Variants in SLC7A2 observed in about 807,000 individuals in gnomAD.
SLC7A2 encodes the protein cationic amino acid transporter 2.
SLC7A2 carries 48 observed loss-of-function variants against 58.9 expected under a neutral mutation model. That is an observed-to-expected ratio of 0.82 (90% confidence interval 0.65 to 1.04). The LOEUF is 1.04. Ranked by LOEUF, SLC7A2 falls within the 50% of genes least tolerant of loss-of-function variation. SLC7A2 has a pLI of 0.00. For missense variants in SLC7A2, 1,029 were observed against 818.8 expected, an observed-to-expected ratio of 1.26 and a Z score of -3.13; for synonymous variants, 363 against 314.5, an observed-to-expected ratio of 1.15 and a Z score of -1.63.
chr8:17,551,567 C>T (rs1044596423), intron 6 of SLC7A2, among the ~76,000 whole-genome samples, 197 bp from the exon 7 acceptor site: 5 of 152,062 alleles, frequency 3.3e-5, no homozygotes, highest in African/African-American at 1.2e-4. Context: ...CACTGCACTC[C>T]AGCCTGGGCA....
At chr8:17,540,514 GA>G (rs879479503) in intron 2 of SLC7A2, among the ~76,000 whole-genome samples, 6 of 148,986 alleles carry the variant, frequency 4.0e-5, no homozygotes, top group Non-Finnish European at 6.0e-5. Flanking sequence ...CTCCAAAAAA[GA>G]AAAAAAAATA....
rs368008850 is a variant in SLC7A2, at chr8:17,543,735, C to T, written c.376+20C>T. On this transcript the variant is annotated intron_variant, in intron 3 of 12. Coordinates refer to ENST00000494857, the MANE Select transcript of SLC7A2 (RefSeq NM_001370338.1). ...TGATAGGTATGTTTCAAAAAGAAAT[C>T]TAACTTGTGTGGAATGGAAGAAATC... The T allele has an allele frequency of 6.6e-7, 1 of 1,511,622 alleles. No homozygotes were observed. Among genetic ancestry groups the T allele is most frequent in the Non-Finnish European group, 8.8e-7 (1 of 1,130,728 alleles). The allele number at this position is 1,511,622 out of a possible 1,614,324, so 93.6% of individuals were successfully genotyped here.
rs150214313 is a variant in SLC7A2, at chr8:17,551,783, C to T, written c.852C>T (p.Pro284=). The change falls in exon 7 of 13, where the codon CCC becomes CCT. Residue 284 remains proline, a synonymous_variant. Coordinates refer to ENST00000494857, the MANE Select transcript of SLC7A2 (RefSeq NM_001370338.1). ...CCTTAGGTGAAGAAGTTCGGAATCC[C>T]CAGAAAGCTATTCCCATTGGAATTG... is the stretch of plus-strand genomic sequence containing the variant. ...IATTGEEVRN[P]QKAIPIGIVT... The T allele has an allele frequency of 2.1e-5, 34 of 1,613,706 alleles. No homozygotes were observed. Among genetic ancestry groups the T allele is most frequent in the Non-Finnish European group, 2.9e-5 (34 of 1,179,920 alleles).
At chr8:17,507,093 C>T (rs936491154) in intron 2 of SLC7A2, among the ~76,000 whole-genome samples, 2 of 151,980 alleles carry the variant, frequency 1.3e-5, no homozygotes, top group African/African-American at 4.8e-5. Context: ...CATAGGCGGG[C>T]ACCACCATGC....
chr8:17,529,363 C>T (rs934254756), intron 2 of SLC7A2, among the ~76,000 whole-genome samples: 2 of 99,774 alleles, frequency 2.0e-5, no homozygotes, highest in African/African-American at 7.1e-5. Context: ...TCATTTATGG[C>T]CAGCGAAATA....
At chr8:17,560,245 C>T (rs542845686) in intron 9 of SLC7A2, 83 bp from the exon 10 acceptor site, 1 of 963,838 alleles carries the variant, frequency 1.0e-6, no homozygotes, top group East Asian at 2.5e-5. Flanking sequence ...TGTATGATGT[C>T]TTACTTAAGG....
chr8:17,502,390 C>A (rs776237789), intron 2 of SLC7A2, 88 bp downstream of exon 2: 1 of 152,246 alleles, frequency 6.6e-6, no homozygotes, highest in Non-Finnish European at 1.5e-5. Flanking sequence ...AGATTTGTGC[C>A]TATTCCATAT....
At chr8:17,508,411 T>C (rs1486713598) in intron 2 of SLC7A2, among the ~76,000 whole-genome samples, 1 of 152,208 alleles carries the variant, frequency 6.6e-6, no homozygotes, top group Admixed American at 6.5e-5. Flanking sequence ...TATTGTTGGA[T>C]GCCCTGTCTA....
At chr8:17,497,060 A>G (rs1799979465), upstream of SLC7A2, 1 of 150,744 alleles carries the variant, frequency 6.6e-6, no homozygotes, top group South Asian at 2.1e-4. Context: ...CCGGGTGGCT[A>G]CACAGAGGGG....
intron 4 of SLC7A2, among the ~76,000 whole-genome samples, chr8:17,546,767 A>G (rs1802191946): frequency 6.6e-6 from 1 of 152,196 alleles, no homozygotes; most frequent in African/African-American, 2.4e-5. Flanking sequence ...GGTGGGTGGT[A>G]TAGATACGGG....
chr8:17,542,716 G>T (rs920101781), intron 2 of SLC7A2, among the ~76,000 whole-genome samples: 2 of 151,786 alleles, frequency 1.3e-5, no homozygotes, highest in African/African-American at 4.8e-5. Context: ...GAACCCAAAA[G>T]ATGAGGCAAT....
chr8:17,494,515 T>A (rs1009848415), upstream of SLC7A2, among the ~76,000 whole-genome samples: 2 of 152,158 alleles, frequency 1.3e-5, no homozygotes, highest in African/African-American at 2.4e-5. Flanking sequence ...CAAATTTTAC[T>A]CAACTGGGAA....
intron 2 of SLC7A2, among the ~76,000 whole-genome samples, chr8:17,532,907 C>T (rs2150716067): frequency 6.6e-6 from 1 of 151,606 alleles, no homozygotes; most frequent in African/African-American, 2.4e-5. Context: ...TCTTTTGTTA[C>T]CCCAAAACAA....
chr8:17,516,394 T>C (rs977588720), intron 2 of SLC7A2, among the ~76,000 whole-genome samples: 3 of 152,274 alleles, frequency 2.0e-5, no homozygotes, highest in Middle Eastern at 3.4e-3. Context: ...CGGCTAATTT[T>C]TGTACTTTTA....
chr8:17,564,027 C>A (rs1803149510), intron 12 of SLC7A2, among the ~76,000 whole-genome samples: 1 of 152,182 alleles, frequency 6.6e-6, no homozygotes, highest in African/African-American at 2.4e-5. Flanking sequence ...CAGCAAAATG[C>A]CTACATGTCT....
chr8:17,545,362 G>A (rs1331755036), intron 4 of SLC7A2, among the ~76,000 whole-genome samples: 1 of 146,604 alleles, frequency 6.8e-6, no homozygotes, highest in African/African-American at 2.5e-5. Context: ...GCTAATCCCT[G>A]CTCTGTCTCC....
chr8:17,542,815 C>A (rs947853873), intron 2 of SLC7A2, among the ~76,000 whole-genome samples: 3 of 151,932 alleles, frequency 2.0e-5, no homozygotes, highest in African/African-American at 7.3e-5. Context: ...TTAGCTTGGA[C>A]ATGGTGGCTC....
rs112426548 is a variant in SLC7A2, at chr8:17,530,886, A to G, written c.-22-12432A>G. Reference sequence around the variant, plus strand: ...TGCATCCAGCCAGTAAGTAGATTCAAAGCCTTAAAACTGAAATCTCATTCT... The same window carrying G: ...TGCATCCAGCCAGTAAGTAGATTCAGAGCCTTAAAACTGAAATCTCATTCT... On this transcript the variant is annotated intron_variant, in intron 2 of 12. Transcript: ENST00000494857. Among the ~76,000 whole-genome samples, 1,368 of 152,292 alleles carry G rather than the reference A, an allele frequency of 9.0e-3. 10 individuals carry two copies. Among genetic ancestry groups the G allele is most frequent in the Middle Eastern group, 0.031 (9 of 294 alleles).
At chr8:17,502,794 C>T (rs1000728310) in intron 2 of SLC7A2, among the ~76,000 whole-genome samples, 34 of 152,024 alleles carry the variant, frequency 2.2e-4, no homozygotes, top group Admixed American at 2.0e-3. Context: ...CTCAGGTGCT[C>T]CAAATTCTTT....
Sources: gnomAD v4.1 joint callset for allele counts (sites outside exome capture counted in the v4.1 genomes callset) on GRCh38, gnomAD v4.1.1 for gene constraint, MANE v1.5 for transcripts, NCBI Gene and HGNC (gene_info 2026-07-23, HGNC 2026-07-21) for gene names.